Variants in ANO7 observed in about 807,000 individuals in gnomAD.
The protein encoded by ANO7 is anoctamin 7, also known as anoctamin-7.
A neutral mutation model predicts 115.8 loss-of-function variants in ANO7; 114 were observed. The ratio of observed to expected loss-of-function variants is 0.98; its 90% CI spans 0.85 to 1.15. ANO7 has a LOEUF of 1.15. Among genes scored for constraint, ANO7 ranks in the 50% most tolerant of loss-of-function variants. ANO7 has a pLI of 0.00. For missense variants in ANO7, 1,302 were observed against 1,201.2 expected (o/e 1.08, Z -1.24); for synonymous variants, 550 against 498.2 (o/e 1.10, Z -1.38).
intron 18 of ANO7, among the ~76,000 whole-genome samples, chr2:241,215,533 T>C (rs1425915833): frequency 6.6e-6 from 1 of 152,242 alleles, no homozygotes; most frequent in Non-Finnish European, 1.5e-5. Context: ...AGTTGGGAGA[T>C]GGTGGCCATG....
downstream of ANO7, chr2:241,230,141 A>G: frequency 1.2e-6 from 2 of 1,606,050 alleles, 1 homozygote; most frequent in South Asian, 2.2e-5. The surrounding 1 kb of genome is among the most constrained non-coding windows in gnomAD (Gnocchi z 5.0). Flanking sequence ...TCCAAGGCCC[A>G]CAGAGACTCA....
At chr2:241,223,139 C>T in intron 21 of ANO7, 47 bp from the exon 22 acceptor site, 4 of 1,567,718 alleles carry the variant, frequency 2.6e-6, no homozygotes, top group Non-Finnish European at 3.5e-6. Flanking sequence ...CCTGCCCAGC[C>T]AACACTCAGC....
At chr2:241,200,280 T>G in intron 6 of ANO7, 55 bp downstream of exon 6, 1 of 1,577,454 alleles carries the variant, frequency 6.3e-7, no homozygotes, top group Non-Finnish European at 8.6e-7. Context: ...TGGGAGTCGG[T>G]GAATGAGTGA....
intron 2 of ANO7, among the ~76,000 whole-genome samples, chr2:241,190,780 G>A (rs570601274): frequency 9.2e-5 from 14 of 152,334 alleles, no homozygotes; most frequent in Admixed American, 7.8e-4. Context: ...ACTCTCGGTC[G>A]CCATGGCCAA....
Position 241,197,943 on chromosome 2 carries a change from G to T in ANO7, c.310-1373G>T, listed in dbSNP as rs1051263804. ...CGGGATCACAGGCATGAGCCACCAC[G>T]CCCGGCCTCACCTCCCTCTTCCTTA... On this transcript the variant is annotated intron_variant, in intron 4 of 24. Transcript: ENST00000674324. 3.3e-4 allele frequency among the ~76,000 whole-genome samples: 51 copies of T among 152,284 alleles called. No individual in the cohort carries two copies. In the Middle Eastern group the frequency reaches 0.014, roughly 41 times the overall value.
chr2:241,231,010 C>T, the ANO7 span: 33 of 1,408,634 alleles, frequency 2.3e-5, no homozygotes, highest in Non-Finnish European at 3.1e-5. Context: ...GGGCAAGAGC[C>T]GGCCCCCACT....
the ANO7 span, chr2:241,239,869 A>G: frequency 1.2e-6 from 2 of 1,612,354 alleles, no homozygotes; most frequent in Non-Finnish European, 1.7e-6. The surrounding 1 kb of genome is among the most constrained non-coding windows in gnomAD (Gnocchi z 4.6). Flanking sequence ...TCACGGCCCC[A>G]GCAGAGTCGG....
chr2:241,195,896 G>T, intron 4 of ANO7, 51 bp downstream of exon 4: 1 of 1,614,032 alleles, frequency 6.2e-7, no homozygotes, highest in South Asian at 1.1e-5. Flanking sequence ...TCCACTCAGT[G>T]ACCCATGACC....
the ANO7 span, chr2:241,236,628 T>A: frequency 6.2e-7 from 1 of 1,614,090 alleles, no homozygotes; most frequent in Non-Finnish European, 8.5e-7. Flanking sequence ...CAGAGCTTCC[T>A]TGGCAGCCTC....
At chr2:241,231,093 G>A in the ANO7 span, 1 of 686,760 alleles carries the variant, frequency 1.5e-6, no homozygotes. Context: ...GGTTAACAAT[G>A]TCCACTCAGG....
rs748922768 is a variant in ANO7 at position 241,218,274 on chromosome 2, G to T, written c.2214G>T (p.Pro738=). The T allele has an allele frequency of 6.5e-7, 1 of 1,533,478 alleles. No individual in the cohort carries two copies. Among genetic ancestry groups the T allele is most frequent in the Non-Finnish European group, 8.7e-7 (1 of 1,147,638 alleles). 95.0% of individuals were successfully genotyped at this position (1,533,478 alleles called of 1,614,324 possible). Residue 738 remains proline (P), a synonymous_variant, in exon 21 of 25, where the codon CCG becomes CCT. Transcript: ENST00000674324. The part of the protein sequence containing the change: ...FLLAFSSDFL[P]RAYYRWTRAH... ...TGGCCTTCTCGTCCGACTTCCTGCC[G>T]CGCGCCTACTACCGGTGGACCCGCG...
chr2:241,223,220 TC>T lies in ANO7; in HGVS notation c.2359del (p.Gln787ArgfsTer43). The T allele has an allele frequency of 2.5e-6, 4 of 1,614,232 alleles. No homozygotes were observed. Among genetic ancestry groups the T allele is most frequent in the Non-Finnish European group, 3.4e-6 (4 of 1,180,042 alleles). On this transcript the variant is annotated frameshift_variant, in exon 22 of 25. Transcript: ENST00000674324. LOFTEE classifies it high-confidence loss of function. The stretch of plus-strand genomic sequence containing the variant: ...TTTCCGGGATGACGATGGACATTAT[TC>T]CCAGACCTACTGGAATCTTCTTGCC... ...RAFRDDDGHY[S>X]QTYWNLLAIR... is the part of the protein sequence containing the mutation.
Position 241,225,666 on chromosome 2 carries a change from G to A in ANO7, c.*1513G>A, listed in dbSNP as rs7355654. ...CCACCGTGATGCCTGGCCTGAGGGC[G>A]GCGTGCTTGCTTGTAGCATTTCTTG... On this transcript the variant is annotated 3_prime_UTR_variant, in exon 25 of 25. Transcript: ENST00000674324. Among the ~76,000 whole-genome samples the A allele has an allele frequency of 0.01, 1,196 of 116,866 alleles. 13 individuals carry two copies. Among genetic ancestry groups the A allele is most frequent in the African/African-American group, 0.042 (1,113 of 26,680 alleles). The allele number at this position is 116,866 out of a possible 152,430, so 76.7% of individuals were successfully genotyped here.
intron 17 of ANO7, chr2:241,212,987 C>T: frequency 4.0e-6 from 1 of 247,092 alleles, no homozygotes; most frequent in Non-Finnish European, 7.9e-6. Flanking sequence ...AATAAAAAAG[C>T]AAACCAAAAA....
the ANO7 span, chr2:241,238,463 C>G: frequency 2.2e-6 from 1 of 460,632 alleles, no homozygotes; most frequent in Non-Finnish European, 3.8e-6. The surrounding 1 kb of genome is among the most constrained non-coding windows in gnomAD (Gnocchi z 4.9). Flanking sequence ...GTCACTCTGT[C>G]AGTAACTGAC....
Position 241,195,716 on chromosome 2 carries a change from C to T in ANO7, c.180C>T (p.Leu60=), listed in dbSNP as rs765187231. 8.7e-6 allele frequency: 14 copies of T among 1,614,044 alleles called. No individual in the cohort carries two copies. The South Asian group carries it at 8.8e-5, about 10-fold the overall frequency. The change falls in exon 4 of 25, where the codon CTC becomes CTT. Residue 60 remains leucine, a synonymous_variant. Transcript: ENST00000674324. The part of the protein sequence containing the change: ...PAKPRIADFV[L]VWEEDLKLDR... ...GTTGGCTCCCAGCAGACTTCGTCCT[C>T]GTTTGGGAGGAGGACCTGAAGCTAG...
In ANO7 at chr2:241,212,609, G is replaced by T; in HGVS notation, c.1711G>T (p.Gly571Ter). 1 of 1,613,300 alleles carries T rather than the reference G, an allele frequency of 6.2e-7. No individual in the cohort carries two copies. Among genetic ancestry groups the T allele is most frequent in the Non-Finnish European group, 8.5e-7 (1 of 1,179,692 alleles). ...CCCAGGCAACTACCACACCTTGTTT[G>T]GAGTCCGCAATGAGGAGGTGAGTGT... ...GYPGNYHTLFGVRNEECAAGG... is the reference protein window; with the variant it reads ...GYPGNYHTLF Residue 571 changes from glycine (G) to a stop codon, truncating the protein, a stop_gained, in exon 17 of 25, where the codon GGA becomes TGA. Coordinates refer to ENST00000674324, the MANE Select transcript of ANO7 (RefSeq NM_001370694.2). LOFTEE classifies it high-confidence loss of function.
At chr2:241,191,387 C>T in intron 3 of ANO7, 136 bp downstream of exon 3, 2 of 1,087,360 alleles carry the variant, frequency 1.8e-6, no homozygotes, top group Non-Finnish European at 2.7e-6. Flanking sequence ...GGGGATGGGG[C>T]ACTGGGGTGA....
chr2:241,197,785 G>A (rs557641744), intron 4 of ANO7, among the ~76,000 whole-genome samples: 104 of 151,932 alleles, frequency 6.8e-4, no homozygotes, highest in African/African-American at 2.5e-3. Context: ...CGAGTAGCTG[G>A]GATTACAGGT....
Sources: allele counts gnomAD v4.1 joint callset (sites outside exome capture counted in the v4.1 genomes callset), GRCh38; gene constraint gnomAD v4.1.1; non-coding constraint Gnocchi (gnomAD v3.1); transcripts MANE v1.5; gene names NCBI Gene and HGNC (gene_info 2026-07-23, HGNC 2026-07-21).